Variants in SRPK1 observed in about 807,000 individuals in gnomAD.
SRPK1 encodes the protein SFRS protein kinase 1.
Under a neutral mutation model 89.5 loss-of-function variants are expected in SRPK1, and 52 were observed. That is an observed-to-expected ratio of 0.58 (90% CI 0.46 to 0.73). The LOEUF (loss-of-function observed/expected upper bound fraction) is 0.73. Ranked by LOEUF, SRPK1 falls within the 30% of genes least tolerant of loss-of-function variation. The pLI, the probability that SRPK1 is intolerant of heterozygous loss-of-function variation, is 0.00. For missense variants in SRPK1, 603 were observed against 780.6 expected (o/e 0.77, Z 2.71); for synonymous variants, 255 against 270.2 (o/e 0.94, Z 0.55).
At chr6:35,918,906 A>C (rs1396173244) in intron 2 of SRPK1, among the ~76,000 whole-genome samples, 1 of 152,232 alleles carries the variant, frequency 6.6e-6, no homozygotes, top group Non-Finnish European at 1.5e-5. Context: ...TTAATTTCTA[A>C]GTGGTAAGAG....
At chr6:35,852,559 G>A (rs944706205) in intron 13 of SRPK1, among the ~76,000 whole-genome samples, 3 of 152,182 alleles carry the variant, frequency 2.0e-5, no homozygotes, top group Non-Finnish European at 2.9e-5. Context: ...TACTGCTGTT[G>A]AATAAAGGTG....
intron 2 of SRPK1, among the ~76,000 whole-genome samples, chr6:35,915,255 A>G (rs1470585903): frequency 6.6e-6 from 1 of 152,048 alleles, no homozygotes; most frequent in Non-Finnish European, 1.5e-5. Flanking sequence ...TGCAAAAACA[A>G]AATTAGCCAG....
At chr6:35,870,892 G>A in intron 9 of SRPK1, 42 bp downstream of exon 9, 1 of 1,534,580 alleles carries the variant, frequency 6.5e-7, no homozygotes, top group Non-Finnish European at 8.9e-7. Flanking sequence ...CATGCCCATA[G>A]TCCATAGATC....
rs372352379 is a variant in SRPK1 at position 35,871,011 on chromosome 6, A to G, written c.752-52T>C. 2.0e-6 allele frequency: 3 copies of G among 1,509,618 alleles called. No homozygotes were observed. The African/African-American group carries it at 4.2e-5, about 21-fold the overall frequency. 93.5% of individuals were successfully genotyped at this position (1,509,618 alleles called of 1,614,324 possible). A position where few individuals can be genotyped will look rare whatever the true frequency, so the allele number is the denominator to read the frequency against. On this transcript the variant is annotated intron_variant, in intron 8 of 15. Transcript: ENST00000373825. Reference sequence around the variant, plus strand: ...AATTCTGGCATTCATCAGGCAATATAAACTAAGGCTCAGATAAAACACTCT... The same window carrying G: ...AATTCTGGCATTCATCAGGCAATATGAACTAAGGCTCAGATAAAACACTCT...
intron 13 of SRPK1, among the ~76,000 whole-genome samples, chr6:35,854,396 C>T (rs1022503960): frequency 2.6e-5 from 4 of 152,220 alleles, no homozygotes; most frequent in African/African-American, 9.6e-5. Context: ...GATGATCCAT[C>T]TCTTCAGGCA....
Position 35,857,373 on chromosome 6 carries a change from G to T in SRPK1, c.1513-5C>A. The T allele has an allele frequency of 1.3e-6, 2 of 1,582,710 alleles. No individual in the cohort carries two copies. The highest frequency in any genetic ancestry group is 8.6e-7 in the Non-Finnish European group (1 of 1,158,198). ...ATCTTCAGTGAAATGTTTGTGCTGA[G>T]AAAATGAAGGAAACAATATTTTAAA... is the stretch of plus-strand genomic sequence containing the variant. On this transcript the variant is annotated splice_region_variant and splice_polypyrimidine_tract_variant and intron_variant, in intron 12 of 15. Coordinates refer to ENST00000373825, the MANE Select transcript of SRPK1 (RefSeq NM_003137.5).
chr6:35,835,209 G>A lies in SRPK1; in HGVS notation c.*95C>T, dbSNP rs1333401652. 1.5e-5 allele frequency: 17 copies of A among 1,114,556 alleles called. No individual in the cohort carries two copies. The African/African-American group carries it at 2.5e-4, about 16-fold the overall frequency. The allele number at this position is 1,114,556 out of a possible 1,614,324, so 69.0% of individuals were successfully genotyped here. On this transcript the variant is annotated 3_prime_UTR_variant, in exon 16 of 16. Coordinates refer to ENST00000373825, the MANE Select transcript of SRPK1 (RefSeq NM_003137.5). ...AAAACAAGATCTAGAAACTCTTGAA[G>A]GAAGAGCTTCACCCTGAAAAGGGAA... is the stretch of plus-strand genomic sequence containing the variant.
chr6:35,851,301 A>G (rs1769550769), intron 13 of SRPK1, among the ~76,000 whole-genome samples: 1 of 151,358 alleles, frequency 6.6e-6, no homozygotes, highest in Non-Finnish European at 1.5e-5. Flanking sequence ...CAGCCTCCTG[A>G]GTAGCTGGGA....
intron 4 of SRPK1, 36 bp from the exon 5 acceptor site, chr6:35,888,147 C>A (rs757970223): frequency 4.5e-5 from 64 of 1,407,544 alleles, no homozygotes; most frequent in Middle Eastern, 3.6e-4. Flanking sequence ...GACTACATAG[C>A]CTACCCTTAC....
intron 13 of SRPK1, among the ~76,000 whole-genome samples, chr6:35,854,370 A>G (rs1192328047): frequency 6.6e-6 from 1 of 152,186 alleles, no homozygotes; most frequent in Non-Finnish European, 1.5e-5. Flanking sequence ...CCATCAATTA[A>G]TTACATTGGA....
At chr6:35,845,127 G>T (rs1463493709) in intron 13 of SRPK1, among the ~76,000 whole-genome samples, 1 of 152,174 alleles carries the variant, frequency 6.6e-6, no homozygotes, top group Non-Finnish European at 1.5e-5. Flanking sequence ...GCCAGCGAGT[G>T]GGGGACGGGA....
intron 2 of SRPK1, among the ~76,000 whole-genome samples, chr6:35,898,618 G>A (rs1181358919): frequency 6.6e-6 from 1 of 152,098 alleles, no homozygotes; most frequent in East Asian, 1.9e-4. Flanking sequence ...TGTAATCTCA[G>A]CTACTTGGGA....
At position 35,888,889 on chromosome 6, in the gene SRPK1, G is replaced by A. The variant is rs1770462214; in HGVS notation, c.228C>T (p.Phe76=). 6.2e-7 allele frequency: 1 copy of A among 1,612,854 alleles called. No individual in the cohort carries two copies. The highest frequency in any genetic ancestry group is 1.7e-5 in the Admixed American group (1 of 59,992). The change falls in exon 4 of 16, where the codon TTC becomes TTT. Residue 76 remains phenylalanine, a synonymous_variant. Coordinates refer to ENST00000373825, the MANE Select transcript of SRPK1 (RefSeq NM_003137.5). ...GYHLVKIGDL[F]NGRYHVIRKL... is the part of the protein sequence containing the mutation. ...TTCGGATCACATGGTATCTCCCATT[G>A]AATAGATCTCCAATTTTCACAAGAT...
At chr6:35,903,934 G>T (rs1022528170) in intron 2 of SRPK1, among the ~76,000 whole-genome samples, 1 of 151,876 alleles carries the variant, frequency 6.6e-6, no homozygotes, top group African/African-American at 2.4e-5. Context: ...TTTCCAAATA[G>T]CTGGAACTAT....
chr6:35,914,687 C>T (rs944039322), intron 2 of SRPK1, among the ~76,000 whole-genome samples: 1 of 152,094 alleles, frequency 6.6e-6, no homozygotes, highest in Non-Finnish European at 1.5e-5. Context: ...TAGTAGCCAA[C>T]GGGACAGGAA....
At chr6:35,903,179 A>G (rs988377908) in intron 2 of SRPK1, among the ~76,000 whole-genome samples, 26 of 152,106 alleles carry the variant, frequency 1.7e-4, no homozygotes, top group African/African-American at 6.3e-4. Flanking sequence ...TACATTGATA[A>G]TCAGTTACAA....
chr6:35,856,758 T>C (rs1160664680), intron 13 of SRPK1, among the ~76,000 whole-genome samples: 1 of 152,222 alleles, frequency 6.6e-6, no homozygotes, highest in African/African-American at 2.4e-5. Flanking sequence ...TAGGAAATCA[T>C]TTATCATCAA....
At chr6:35,847,823 A>AT (rs1036895377) in intron 13 of SRPK1, among the ~76,000 whole-genome samples, 6 of 151,902 alleles carry the variant, frequency 3.9e-5, no homozygotes, top group African/African-American at 7.3e-5. Context: ...TGGAAGATTT[A>AT]TTTTTATTTT....
chr6:35,869,202 T>G (rs1769973635), intron 11 of SRPK1, 92 bp from the exon 12 acceptor site: 1 of 1,075,100 alleles, frequency 9.3e-7, no homozygotes, highest in African/African-American at 1.6e-5. Context: ...AGTAATACAG[T>G]CAGCAATACC....
Sources: gnomAD v4.1 joint callset for allele counts (sites outside exome capture counted in the v4.1 genomes callset) on GRCh38, gnomAD v4.1.1 for gene constraint, MANE v1.5 for transcripts, NCBI Gene and HGNC (gene_info 2026-07-23, HGNC 2026-07-21) for gene names.